The following TMEM37 variants were observed in gnomAD, a reference collection of about 807,000 sequenced individuals.
The protein encoded by TMEM37 is voltage-dependent calcium channel gamma-like subunit.
In TMEM37, 12 loss-of-function variants were observed where a neutral mutation model predicts 11.0. That is an observed-to-expected ratio of 1.09 (90% CI 0.70 to 1.76). The LOEUF (loss-of-function observed/expected upper bound fraction) is 1.76. TMEM37 is among the 40% of genes most tolerant of loss of function. The pLI, the probability that TMEM37 is intolerant of heterozygous loss-of-function variation, is 0.00. For missense variants in TMEM37, 203 were observed against 251.2 expected (o/e 0.81, Z 1.30); for synonymous variants, 127 against 110.5 (o/e 1.15, Z -0.94).
upstream of TMEM37, among the ~76,000 whole-genome samples, chr2:119,431,606 C>T (rs1682394597): frequency 6.6e-6 from 1 of 152,230 alleles, no homozygotes; most frequent in Admixed American, 6.5e-5. Context: ...GTCGGAGTGA[C>T]TTCCCGATCC....
upstream of TMEM37, among the ~76,000 whole-genome samples, chr2:119,431,211 TG>T (rs894900655): frequency 3.9e-4 from 60 of 152,272 alleles, no homozygotes; most frequent in Middle Eastern, 6.8e-3. Flanking sequence ...CACATTTGTT[TG>T]GCATATTTGC....
At chr2:119,430,178 G>A (rs1333981965), upstream of TMEM37, 4 of 632,920 alleles carry the variant, frequency 6.3e-6, no homozygotes, top group Non-Finnish European at 8.6e-6. Context: ...ACGGAGGGAA[G>A]GCCCCAGAGC....
chr2:119,435,934 T>C (rs554687541), intron 1 of TMEM37, among the ~76,000 whole-genome samples: 1 of 152,218 alleles, frequency 6.6e-6, no homozygotes, highest in African/African-American at 2.4e-5. Flanking sequence ...GGGCCAGTCA[T>C]CTGAGGAAAG....
At chr2:119,430,175 G>C (rs1397110698), upstream of TMEM37, 4 of 633,642 alleles carry the variant, frequency 6.3e-6, no homozygotes. Context: ...GCCACGGAGG[G>C]AAGGCCCCAG....
Position 119,437,050 on chromosome 2 carries a change from GCA to G in TMEM37, c.185_186del (p.His62LeufsTer213). The G allele has an allele frequency of 6.3e-7, 1 of 1,595,488 alleles. No homozygotes were observed. Among genetic ancestry groups the G allele is most frequent in the Non-Finnish European group, 8.5e-7 (1 of 1,175,110 alleles). ...CTGAGGACCGCCTCTTCGGGCTCTG[GCA>G]CTTCTGCACCACCACCAACCAGACG... is the stretch of plus-strand genomic sequence containing the variant. Reference protein sequence around the residue: ...LAEDRLFGLWHFCTTTNQTIC... With the variant: ...LAEDRLFGLWXFCTTTNQTIC... On this transcript the variant is annotated frameshift_variant, in exon 2 of 2. Transcript: ENST00000306406. LOFTEE classifies it high-confidence loss of function.
chr2:119,435,982 G>A (rs572812964), intron 1 of TMEM37, among the ~76,000 whole-genome samples: 2 of 152,340 alleles, frequency 1.3e-5, no homozygotes, highest in African/African-American at 4.8e-5. Flanking sequence ...TGTGCTGGGA[G>A]CTGAGGTTGG....
chr2:119,433,587 A>G lies in TMEM37; in HGVS notation c.21+1663A>G, dbSNP rs73948689. Among the ~76,000 whole-genome samples, 1,413 of 152,294 alleles carry G rather than the reference A, an allele frequency of 9.3e-3. 23 individuals carry two copies. Among genetic ancestry groups the G allele is most frequent in the African/African-American group, 0.031 (1,300 of 41,548 alleles). On this transcript the variant is annotated intron_variant, in intron 1 of 1. Transcript: ENST00000306406. The stretch of plus-strand genomic sequence containing the variant: ...TGGGTTATAGGAGGAAGACCATGAC[A>G]TTGGACTCAGTAGCCCAGTAGTGTC...
chr2:119,433,038 G>A (rs1348265760), intron 1 of TMEM37, among the ~76,000 whole-genome samples: 1 of 152,256 alleles, frequency 6.6e-6, no homozygotes, highest in East Asian at 1.9e-4. Context: ...CGGCCAGGCA[G>A]CATGGTGGGA....
rs559399663 is a variant in TMEM37, at chr2:119,433,028, C to T, written c.21+1104C>T. The stretch of plus-strand genomic sequence containing the variant: ...TTGTTCTGGGGGATGTCTGGAATCC[C>T]GGCCAGGCAGCATGGTGGGACAGAC... On this transcript the variant is annotated intron_variant, in intron 1 of 1. Transcript: ENST00000306406. Among the ~76,000 whole-genome samples the T allele has an allele frequency of 5.3e-5, 8 of 152,346 alleles. No homozygotes were observed. In the South Asian group the frequency reaches 1.7e-3, roughly 32 times the overall value.
rs1558826296 is a variant in TMEM37, at chr2:119,438,124, G to GTCC, written c.*684_*685insTCC. The GTCC allele has an allele frequency of 3.3e-5, 5 of 152,222 alleles. No individual in the cohort carries two copies. The highest frequency in any genetic ancestry group is 7.3e-5 in the Non-Finnish European group (5 of 68,078). The allele number at this position is 152,222 out of a possible 1,614,324, so 9.4% of individuals were successfully genotyped here. A position where few individuals can be genotyped will look rare whatever the true frequency, so the allele number is the denominator to read the frequency against. On this transcript the variant is annotated 3_prime_UTR_variant, in exon 2 of 2. Coordinates refer to ENST00000306406, the MANE Select transcript of TMEM37 (RefSeq NM_183240.3). The stretch of plus-strand genomic sequence containing the variant: ...ACCCCATCTTCTAGCAGCTGGCTGT[G>GTCC]CCTCTGGGAGCTCTGCCTATCAGAA...
chr2:119,436,007 C>T (rs1329262836), intron 1 of TMEM37, among the ~76,000 whole-genome samples: 3 of 152,002 alleles, frequency 2.0e-5, no homozygotes, highest in Non-Finnish European at 4.4e-5. Flanking sequence ...GGAGGCGGAG[C>T]GGATTGTGAG....
upstream of TMEM37, among the ~76,000 whole-genome samples, chr2:119,431,177 C>T (rs1055931877): frequency 6.6e-6 from 1 of 152,136 alleles, no homozygotes; most frequent in African/African-American, 2.4e-5. Flanking sequence ...ACCTCAGTTC[C>T]CATCGAGGTG....
upstream of TMEM37, among the ~76,000 whole-genome samples, chr2:119,430,929 G>A (rs1173118987): frequency 6.6e-6 from 1 of 152,180 alleles, no homozygotes; most frequent in Non-Finnish European, 1.5e-5. Flanking sequence ...CTGAGGTCAG[G>A]AGTTCGAGAC....
Position 119,437,807 on chromosome 2 carries a change from TAGTTCATGC to T in TMEM37, c.*368_*376del. ...CCTGAGCTAGCTGCACAGCCAAGGA[TAGTTCATGC>T]CTGTTTCATTGACACGTGCTGGGAT... On this transcript the variant is annotated 3_prime_UTR_variant, in exon 2 of 2. Transcript: ENST00000306406. 3.7e-6 allele frequency: 1 copy of T among 268,372 alleles called. No individual in the cohort carries two copies. The allele number at this position is 268,372 out of a possible 1,614,324, so 16.6% of individuals were successfully genotyped here.
chr2:119,437,147 G>T lies in TMEM37; in HGVS notation c.280G>T (p.Val94Leu). The T allele has an allele frequency of 6.2e-7, 1 of 1,614,260 alleles. No homozygotes were observed. Reference protein sequence around the residue: ...LAVGMGLVRSVGALAVVAAIF... With the variant: ...LAVGMGLVRSLGALAVVAAIF... ...CGTGGGCATGGGCCTGGTACGCAGC[G>T]TGGGCGCCTTGGCCGTGGTGGCCGC... Residue 94 changes from valine to leucine, a missense_variant, in exon 2 of 2, where the codon GTG (valine) becomes TTG (leucine). Coordinates refer to ENST00000306406, the MANE Select transcript of TMEM37 (RefSeq NM_183240.3).
chr2:119,437,928 CT>C lies in TMEM37; in HGVS notation c.*490del. On this transcript the variant is annotated 3_prime_UTR_variant, in exon 2 of 2. Transcript: ENST00000306406. ...GGGTCCAATCAGTGCCTAGGACTTTCTTCCACCAGCTCAAAGGGCCTTCGTA... is the reference window on the plus strand; with the variant it reads ...GGGTCCAATCAGTGCCTAGGACTTTCTCCACCAGCTCAAAGGGCCTTCGTA... 1.3e-5 allele frequency: 2 copies of C among 156,616 alleles called. No individual in the cohort carries two copies. Among genetic ancestry groups the C allele is most frequent in the Non-Finnish European group, 1.4e-5 (1 of 71,510 alleles). The allele number at this position is 156,616 out of a possible 1,614,324, so 9.7% of individuals were successfully genotyped here. A position where few individuals can be genotyped will look rare whatever the true frequency, so the allele number is the denominator to read the frequency against.
At chr2:119,430,316 G>T, upstream of TMEM37, 1 of 557,762 alleles carries the variant, frequency 1.8e-6, no homozygotes, top group East Asian at 4.5e-5. Context: ...ACTCTGCAGT[G>T]GGGCCTCGCA....
chr2:119,436,681 A>G (rs1682501689), intron 1 of TMEM37, among the ~76,000 whole-genome samples: 1 of 152,164 alleles, frequency 6.6e-6, no homozygotes. Context: ...TGCCTGGTGA[A>G]TACTGGATGG....
At chr2:119,431,954 G>A in intron 1 of TMEM37, 30 bp downstream of exon 1, 1 of 1,216,620 alleles carries the variant, frequency 8.2e-7, no homozygotes, top group Non-Finnish European at 1.0e-6. Context: ...GCGCTGACCC[G>A]GGGTGCTGCC....
Sources: gnomAD v4.1 joint callset for allele counts (sites outside exome capture counted in the v4.1 genomes callset) on GRCh38, gnomAD v4.1.1 for gene constraint, MANE v1.5 for transcripts, NCBI Gene and HGNC (gene_info 2026-07-23, HGNC 2026-07-21) for gene names.